Variants in SPAG16 observed in about 807,000 individuals in gnomAD.
SPAG16 encodes sperm associated antigen 16, also known as sperm-associated antigen 16 protein.
Under a neutral mutation model 80.4 loss-of-function variants are expected in SPAG16, and 86 were observed. The ratio of observed to expected loss-of-function variants is 1.07; its 90% confidence interval spans 0.90 to 1.28. The LOEUF (loss-of-function observed/expected upper bound fraction) is 1.28, where lower values mean the gene tolerates loss of function less well. Ranked by LOEUF, SPAG16 falls within the 50% of genes most tolerant of loss-of-function variation. SPAG16 has a pLI of 0.00. For synonymous variants in SPAG16, 294 were observed against 265.9 expected, an observed-to-expected ratio of 1.11 and a Z score of -1.03; for missense variants, 870 against 765.3, an observed-to-expected ratio of 1.14 and a Z score of -1.61.
intron 12 of SPAG16, 46 bp downstream of exon 12, chr2:213,930,191 T>C: frequency 6.9e-7 from 1 of 1,442,020 alleles, no homozygotes; most frequent in Non-Finnish European, 9.3e-7. Context: ...CTGATACATA[T>C]ACGTGGGTAA....
chr2:213,513,267 G>T (rs556199775), intron 10 of SPAG16, among the ~76,000 whole-genome samples: 1 of 152,234 alleles, frequency 6.6e-6, no homozygotes, highest in South Asian at 2.1e-4. Flanking sequence ...AACCTAACGT[G>T]GTCATACACT....
At chr2:213,318,995 T>TC (rs1337444483) in intron 5 of SPAG16, among the ~76,000 whole-genome samples, 3 of 151,982 alleles carry the variant, frequency 2.0e-5, no homozygotes, top group African/African-American at 7.2e-5. Context: ...GACATGCAAT[T>TC]CCTGGTGAAC....
At chr2:213,719,589 G>A (rs1574931847) in intron 10 of SPAG16, among the ~76,000 whole-genome samples, 2 of 152,258 alleles carry the variant, frequency 1.3e-5, no homozygotes, top group Middle Eastern at 3.4e-3. Flanking sequence ...CAGGCTGCCC[G>A]AGCCAGCATT....
chr2:213,720,377 C>T (rs1005746712), intron 10 of SPAG16, among the ~76,000 whole-genome samples: 1 of 151,652 alleles, frequency 6.6e-6, no homozygotes, highest in Non-Finnish European at 1.5e-5. Context: ...CCTGTAATCC[C>T]AGCACTTTGG....
chr2:213,509,176 T>C (rs2125806396), intron 10 of SPAG16, among the ~76,000 whole-genome samples: 1 of 152,226 alleles, frequency 6.6e-6, no homozygotes, highest in East Asian at 1.9e-4. Context: ...TTTTATATTT[T>C]TAGAAGAGAC....
intron 15 of SPAG16, among the ~76,000 whole-genome samples, chr2:214,199,683 C>G (rs2057953089): frequency 6.6e-6 from 1 of 152,066 alleles, no homozygotes; most frequent in South Asian, 2.1e-4. Context: ...CTGTAGATTG[C>G]TTTAGGCAGT....
intron 12 of SPAG16, among the ~76,000 whole-genome samples, chr2:213,954,846 T>G (rs1315636273): frequency 6.6e-6 from 1 of 152,330 alleles, no homozygotes; most frequent in South Asian, 2.1e-4. Context: ...ATTATGATTA[T>G]TATAGCTGTC....
intron 11 of SPAG16, among the ~76,000 whole-genome samples, chr2:213,913,966 C>T (rs2372101): frequency 6.6e-6 from 1 of 151,850 alleles, no homozygotes; most frequent in Non-Finnish European, 1.5e-5. Flanking sequence ...AGAGAATAAT[C>T]AGCTTTACTC....
intron 10 of SPAG16, among the ~76,000 whole-genome samples, chr2:213,682,562 A>C (rs1282392868): frequency 6.6e-6 from 1 of 152,172 alleles, no homozygotes; most frequent in African/African-American, 2.4e-5. Flanking sequence ...AGGGTATTTA[A>C]GCGTTTAGGA....
At chr2:213,955,981 A>C (rs758174039) in intron 12 of SPAG16, among the ~76,000 whole-genome samples, 5 of 151,304 alleles carry the variant, frequency 3.3e-5, no homozygotes, top group African/African-American at 4.8e-5. Context: ...TTATTTATTT[A>C]TTTTTTGAGA....
At chr2:213,469,920 T>G (rs181015323) in intron 9 of SPAG16, among the ~76,000 whole-genome samples, 50 of 152,176 alleles carry the variant, frequency 3.3e-4, no homozygotes, top group African/African-American at 1.2e-3. Flanking sequence ...CATTGTTGTG[T>G]CTCCTGGTGG....
At chr2:214,229,138 T>A (rs1688509304) in intron 15 of SPAG16, among the ~76,000 whole-genome samples, 1 of 150,590 alleles carries the variant, frequency 6.6e-6, no homozygotes, top group South Asian at 2.1e-4. Context: ...GATCTTGCCA[T>A]CTACCACGAG....
At chr2:214,088,395 A>C (rs1156434646) in intron 13 of SPAG16, among the ~76,000 whole-genome samples, 2 of 152,104 alleles carry the variant, frequency 1.3e-5, no homozygotes, top group Admixed American at 1.3e-4. Context: ...TGTTCCACAA[A>C]GTTGGGCACC....
intron 10 of SPAG16, among the ~76,000 whole-genome samples, chr2:213,572,534 C>T (rs1290688858): frequency 1.3e-5 from 2 of 151,898 alleles, no homozygotes; most frequent in Non-Finnish European, 2.9e-5. Flanking sequence ...GGGGGTGCCT[C>T]CCAGTTAGGC....
chr2:213,507,197 A>C (rs915309999), intron 10 of SPAG16, among the ~76,000 whole-genome samples: 1 of 152,228 alleles, frequency 6.6e-6, no homozygotes, highest in Non-Finnish European at 1.5e-5. Context: ...CCTTTAAAAA[A>C]TGCCTGGGTA....
intron 10 of SPAG16, among the ~76,000 whole-genome samples, chr2:213,643,576 T>C (rs1380217451): frequency 6.7e-6 from 1 of 149,472 alleles, no homozygotes; most frequent in Non-Finnish European, 1.5e-5. Flanking sequence ...TTCTCCGTTA[T>C]TATCCCATTG....
At chr2:213,293,302 C>G (rs540919127) in intron 1 of SPAG16, among the ~76,000 whole-genome samples, 1 of 152,288 alleles carries the variant, frequency 6.6e-6, no homozygotes, top group East Asian at 1.9e-4. Flanking sequence ...TTGGGTATTT[C>G]TTCATAGCAG....
At chr2:214,275,895 T>C in intron 15 of SPAG16, among the ~76,000 whole-genome samples, 1 of 152,240 alleles carries the variant, frequency 6.6e-6, no homozygotes, top group East Asian at 1.9e-4. Context: ...CAGTGGAGTG[T>C]TAAGGTCTCC....
intron 10 of SPAG16, among the ~76,000 whole-genome samples, chr2:213,653,968 A>G (rs2063119595): frequency 6.6e-6 from 1 of 152,164 alleles, no homozygotes; most frequent in Non-Finnish European, 1.5e-5. Flanking sequence ...AATTTTTAAT[A>G]GCACTTTTGA....
Sources: gnomAD v4.1 joint callset for allele counts (sites outside exome capture counted in the v4.1 genomes callset) on GRCh38, gnomAD v4.1.1 for gene constraint, MANE v1.5 for transcripts, NCBI Gene and HGNC (gene_info 2026-07-23, HGNC 2026-07-21) for gene names.